MYT1L: variants seen among roughly 807,000 people sequenced by gnomAD.
MYT1L encodes the protein myelin transcription factor 1 like.
In MYT1L, 12 loss-of-function variants were observed where a neutral mutation model predicts 126.7. The ratio of observed to expected loss-of-function variants is 0.09; its 90% CI spans 0.06 to 0.15. The LOEUF is 0.15. MYT1L is among the 10% of genes least tolerant of loss of function. The probability of loss-of-function intolerance (pLI) is 1.00; values close to 1 mark genes in which losing one functional copy is unlikely to be tolerated. For missense variants in MYT1L, 979 were observed against 1,585.2 expected (o/e 0.62, Z 6.49); for synonymous variants, 541 against 604.2 (o/e 0.90, Z 1.53).
intron 23 of MYT1L, among the ~76,000 whole-genome samples, chr2:1,797,986 C>A (rs1313861488): frequency 3.2e-4 from 18 of 55,486 alleles, no homozygotes; most frequent in African/African-American, 1.4e-3. Flanking sequence ...GCGGCGGTCT[C>A]CCCCCATCCG....
intron 1 of MYT1L, among the ~76,000 whole-genome samples, chr2:2,312,197 T>C (rs1559639365): frequency 6.6e-6 from 1 of 152,220 alleles, no homozygotes; most frequent in South Asian, 2.1e-4. Flanking sequence ...TTATGTTTGG[T>C]ACCAGACTGT....
At chr2:2,003,880 T>C (rs904015171) in intron 4 of MYT1L, among the ~76,000 whole-genome samples, 2 of 152,250 alleles carry the variant, frequency 1.3e-5, no homozygotes, top group Non-Finnish European at 2.9e-5. Context: ...CATGCTTCCT[T>C]TTCCATCATG....
intron 18 of MYT1L, among the ~76,000 whole-genome samples, chr2:1,869,410 T>A (rs2045996627): frequency 6.6e-6 from 1 of 152,240 alleles, no homozygotes; most frequent in Admixed American, 6.5e-5. Flanking sequence ...GCCAGCTGCA[T>A]TCCCTGGAGG....
chr2:2,252,993 T>C (rs533038681), intron 2 of MYT1L, among the ~76,000 whole-genome samples: 59 of 152,226 alleles, frequency 3.9e-4, no homozygotes, highest in African/African-American at 1.3e-3. Context: ...AAACCAAATT[T>C]CTATCCCTCA....
rs200179331 is a variant in MYT1L at position 2,269,965 on chromosome 2, G to A, written c.-421+14439C>T. 5.9e-5 allele frequency among the ~76,000 whole-genome samples: 9 copies of A among 152,278 alleles called. No homozygotes were observed. The East Asian group carries it at 1.5e-3, about 26-fold the overall frequency. ...AGCACATATACAACATAGCACATGG[G>A]CTGTGGACTAATGTTTGTGTCTCTC... On this transcript the variant is annotated intron_variant, in intron 2 of 24. Transcript: ENST00000647738.
rs377126951 is a variant in MYT1L, at chr2:2,027,734, A to G, written c.-158+26244T>C. On this transcript the variant is annotated intron_variant, in intron 4 of 24. Transcript: ENST00000647738. ...AACTTAGCGCTTCCATTACTGGGCGATACTGGGCCACCTGGGTGACATCTC... is the reference window on the plus strand; with the variant it reads ...AACTTAGCGCTTCCATTACTGGGCGGTACTGGGCCACCTGGGTGACATCTC... Among the ~76,000 whole-genome samples the G allele has an allele frequency of 2.0e-3, 311 of 152,312 alleles. 9 individuals carry two copies. In the South Asian group the frequency reaches 0.063, roughly 31 times the overall value.
chr2:2,022,764 T>A (rs1207454753), intron 4 of MYT1L, among the ~76,000 whole-genome samples: 2 of 152,062 alleles, frequency 1.3e-5, no homozygotes, highest in African/African-American at 4.8e-5. Context: ...TTTGTCCGTA[T>A]TTATCTTTCC....
At chr2:2,126,391 A>G (rs1478965612) in intron 3 of MYT1L, among the ~76,000 whole-genome samples, 2 of 152,224 alleles carry the variant, frequency 1.3e-5, no homozygotes, top group Non-Finnish European at 2.9e-5. Context: ...TGCCCCTTGA[A>G]GTAAGCATTG....
intron 4 of MYT1L, among the ~76,000 whole-genome samples, chr2:2,030,053 G>A (rs554783758): frequency 1.3e-5 from 2 of 152,244 alleles, no homozygotes; most frequent in Non-Finnish European, 2.9e-5. Context: ...GGCATGTCCT[G>A]TAGAGCCTGG....
chr2:1,947,999 G>A (rs1054066155), intron 8 of MYT1L, among the ~76,000 whole-genome samples: 4 of 152,224 alleles, frequency 2.6e-5, no homozygotes, highest in African/African-American at 9.6e-5. Flanking sequence ...CCCGGACTCC[G>A]GCTGGGCCTT....
intron 3 of MYT1L, among the ~76,000 whole-genome samples, chr2:2,161,429 C>T (rs1423826680): frequency 6.6e-6 from 1 of 152,096 alleles, no homozygotes; most frequent in African/African-American, 2.4e-5. Context: ...TCAGAGTGAC[C>T]CGTGCCTGCA....
At chr2:2,015,457 C>T (rs1469152208) in intron 4 of MYT1L, among the ~76,000 whole-genome samples, 1 of 152,172 alleles carries the variant, frequency 6.6e-6, no homozygotes, top group Non-Finnish European at 1.5e-5. Context: ...GGAAGGCTAC[C>T]TCACCTCCAT....
intron 3 of MYT1L, among the ~76,000 whole-genome samples, chr2:2,149,880 A>G (rs2085464833): frequency 6.6e-6 from 1 of 152,044 alleles, no homozygotes; most frequent in Non-Finnish European, 1.5e-5. Flanking sequence ...TTCCCTCTCC[A>G]ACTGCATGTG....
chr2:1,881,114 T>C (rs903836277), intron 18 of MYT1L, among the ~76,000 whole-genome samples: 2 of 152,108 alleles, frequency 1.3e-5, no homozygotes, highest in Admixed American at 6.6e-5. Flanking sequence ...GTCCCTCCCT[T>C]AATAATCCAG....
chr2:2,264,015 A>G (rs1398274442), intron 2 of MYT1L, among the ~76,000 whole-genome samples: 2 of 152,228 alleles, frequency 1.3e-5, no homozygotes, highest in Admixed American at 6.5e-5. Flanking sequence ...ATACTGTAAT[A>G]ATAAAAATCT....
intron 5 of MYT1L, among the ~76,000 whole-genome samples, chr2:1,984,632 C>A (rs929562323): frequency 6.6e-6 from 1 of 150,682 alleles, no homozygotes; most frequent in African/African-American, 2.5e-5. Flanking sequence ...GCCTCAGCCT[C>A]CCGAGTAGCT....
At chr2:1,893,851 A>T (rs1319514158) in intron 14 of MYT1L, among the ~76,000 whole-genome samples, 2 of 152,326 alleles carry the variant, frequency 1.3e-5, no homozygotes, top group Admixed American at 1.3e-4. Context: ...TTTGGGACTG[A>T]AGGCTCTCAG....
chr2:1,838,147 C>T (rs555542182), intron 21 of MYT1L, among the ~76,000 whole-genome samples: 1 of 152,238 alleles, frequency 6.6e-6, no homozygotes, highest in Non-Finnish European at 1.5e-5. Flanking sequence ...CTCCTGACCT[C>T]AGGTGATCTG....
In MYT1L at chr2:1,912,751, A is replaced by G; in HGVS notation, c.1619-641T>C. On this transcript the variant is annotated intron_variant, in intron 11 of 24. Coordinates refer to ENST00000647738, the MANE Select transcript of MYT1L (RefSeq NM_001303052.2). This position sits in a 1 kb window ranked among gnomAD's most constrained non-coding sequence, Gnocchi z 4.3. ...GCGTTTTTACCCTGTGAAATTAACA[A>G]GCGGGAGAGGCCTCTTGCATGGACA... 7.0e-6 allele frequency among the ~76,000 whole-genome samples: 1 copy of G among 142,408 alleles called. No homozygotes were observed. The highest frequency in any genetic ancestry group is 1.5e-5 in the Non-Finnish European group (1 of 67,152). 93.4% of individuals were successfully genotyped at this position (142,408 alleles called of 152,430 possible).
Sources: gnomAD v4.1 joint callset for allele counts (sites outside exome capture counted in the v4.1 genomes callset) on GRCh38, gnomAD v4.1.1 for gene constraint, Gnocchi (gnomAD v3.1) non-coding constraint, MANE v1.5 for transcripts, NCBI Gene and HGNC (gene_info 2026-07-23, HGNC 2026-07-21) for gene names.